HMCN1: variants seen among roughly 807,000 people sequenced by gnomAD.
HMCN1 encodes the protein hemicentin 1, also known as hemicentin-1.
Under a neutral mutation model 625.9 loss-of-function variants are expected in HMCN1, and 321 were observed. That is an observed-to-expected ratio of 0.51 (90% CI 0.47 to 0.56). The LOEUF (loss-of-function observed/expected upper bound fraction) is 0.56. Ranked by LOEUF, HMCN1 falls within the 20% of genes least tolerant of loss-of-function variation. The pLI is 0.00. For missense variants in HMCN1, 6,588 were observed against 6,887.3 expected (o/e 0.96, Z 1.54); for synonymous variants, 2,425 against 2,417.6 (o/e 1.00, Z -0.09).
At chr1:186,014,780 C>T (rs1477554822) in intron 30 of HMCN1, among the ~76,000 whole-genome samples, 2 of 152,082 alleles carry the variant, frequency 1.3e-5, no homozygotes, top group African/African-American at 4.8e-5. Context: ...AGAGGGCATA[C>T]AGTTGTACCA....
At chr1:186,012,134 C>T (rs1436934578) in intron 30 of HMCN1, among the ~76,000 whole-genome samples, 1 of 151,982 alleles carries the variant, frequency 6.6e-6, no homozygotes, top group Non-Finnish European at 1.5e-5. Flanking sequence ...TGATCTTTTA[C>T]ACAAAGTGCT....
At chr1:186,168,020 C>G (rs575816680) in intron 100 of HMCN1, among the ~76,000 whole-genome samples, 2 of 151,538 alleles carry the variant, frequency 1.3e-5, no homozygotes, top group African/African-American at 4.9e-5. Flanking sequence ...CACCCATGAA[C>G]CATTGTGCAT....
chr1:185,817,922 C>G (rs1265771966), intron 1 of HMCN1, among the ~76,000 whole-genome samples: 2 of 152,118 alleles, frequency 1.3e-5, no homozygotes, highest in East Asian at 3.9e-4. Flanking sequence ...AGCTACTATG[C>G]TTTCTCTCAG....
intron 64 of HMCN1, among the ~76,000 whole-genome samples, chr1:186,091,723 C>T (rs1312906081): frequency 2.6e-5 from 4 of 151,850 alleles, no homozygotes; most frequent in Non-Finnish European, 5.9e-5. Flanking sequence ...CTACACATAC[C>T]AGATTAATTA....
intron 55 of HMCN1, among the ~76,000 whole-genome samples, chr1:186,078,441 A>T: frequency 6.6e-6 from 1 of 152,222 alleles, no homozygotes; most frequent in East Asian, 1.9e-4. Context: ...ACAAACAAAC[A>T]AAAAGAATTC....
Position 185,775,689 on chromosome 1 carries a change from A to G in HMCN1, c.268+40642A>G, listed in dbSNP as rs191676617. On this transcript the variant is annotated intron_variant, in intron 1 of 106. Transcript: ENST00000271588. ...AAACAAAAAGGGATTTGATGTAACT[A>G]ATTGATTGTGAATGCAGCCTGAAGC... Among the ~76,000 whole-genome samples, 392 of 152,302 alleles carry G rather than the reference A, an allele frequency of 2.6e-3. 3 individuals are homozygous for G. The highest frequency in any genetic ancestry group is 4.6e-3 in the South Asian group (22 of 4,830).
intron 1 of HMCN1, among the ~76,000 whole-genome samples, chr1:185,812,802 C>T (rs1267519025): frequency 6.7e-6 from 1 of 149,618 alleles, no homozygotes; most frequent in African/African-American, 2.6e-5. Context: ...TTTGCAATCC[C>T]CCCCCACACA....
chr1:185,951,455 A>G (rs1275202870), intron 11 of HMCN1, among the ~76,000 whole-genome samples: 1 of 150,242 alleles, frequency 6.7e-6, no homozygotes, highest in East Asian at 1.9e-4. Flanking sequence ...TAGCCTCTGT[A>G]TTGATTAAGA....
At chr1:185,984,688 C>T (rs1469740924) in intron 19 of HMCN1, among the ~76,000 whole-genome samples, 1 of 152,196 alleles carries the variant, frequency 6.6e-6, no homozygotes. Context: ...CATGTCCTTA[C>T]TAATGACCCC....
Position 185,909,421 on chromosome 1 carries a change from T to C in HMCN1, c.706T>C (p.Trp236Arg), listed in dbSNP as rs2102450858. The change falls in exon 5 of 107, where the codon TGG (tryptophan) becomes CGG (arginine). Residue 236 changes from tryptophan to arginine, a missense_variant. Trp to Arg is a moderately radical substitution (Grantham distance 101, BLOSUM62 -3). This residue lies in a region of HMCN1 where 4,628 missense variants were observed against 4,853.1 expected (regional missense o/e 0.95). Transcript: ENST00000271588. ...TCATTTGGAACAGGCTGTAAATACT[T>C]GGAGAATTCCTTTTGATCCCAGCCT... The part of the protein sequence containing the change: ...TDHLEQAVNT[W>R]RIPFDPSLKE... The C allele has an allele frequency of 6.2e-7, 1 of 1,613,538 alleles. No homozygotes were observed. Among genetic ancestry groups the C allele is most frequent in the South Asian group, 1.1e-5 (1 of 91,070 alleles).
At chr1:186,090,693 A>T in intron 63 of HMCN1, 65 bp from the exon 64 acceptor site, 1 of 1,559,318 alleles carries the variant, frequency 6.4e-7, no homozygotes, top group Admixed American at 1.7e-5. Flanking sequence ...TTGTTTTATG[A>T]CTCTGTTACA....
At chr1:185,898,978 T>C (rs1270358916) in intron 4 of HMCN1, among the ~76,000 whole-genome samples, 1 of 151,798 alleles carries the variant, frequency 6.6e-6, no homozygotes, top group Non-Finnish European at 1.5e-5. Flanking sequence ...TGGAGGTGAA[T>C]GGAGATTGAG....
rs1170827406 is a variant in HMCN1, at chr1:185,960,359, C to A, written c.1829-2159C>A. ...GGTCAGGATGGTCTCAAACTCCCGA[C>A]CTCAGTTGATCTGCCCGCCTCAGCC... is the stretch of plus-strand genomic sequence containing the variant. On this transcript the variant is annotated intron_variant, in intron 11 of 106. Coordinates refer to ENST00000271588, the MANE Select transcript of HMCN1 (RefSeq NM_031935.3). Among the ~76,000 whole-genome samples the A allele has an allele frequency of 5.9e-5, 9 of 152,140 alleles. No individual in the cohort carries two copies. The East Asian group carries it at 7.8e-4, about 13-fold the overall frequency.
intron 4 of HMCN1, among the ~76,000 whole-genome samples, chr1:185,886,555 TAAATC>T (rs1368393994): frequency 3.3e-5 from 5 of 152,030 alleles, no homozygotes; most frequent in Middle Eastern, 3.2e-3. Context: ...TTTCTCATCT[TAAATC>T]AAATGTTTAA....
chr1:185,794,343 T>TTATATATATATATATATATATA (rs61058896), intron 1 of HMCN1, among the ~76,000 whole-genome samples: 18 of 147,716 alleles, frequency 1.2e-4, no homozygotes, highest in African/African-American at 4.5e-4. Flanking sequence ...AGAGGATAGA[T>TTATATATATATATATATATATA]TATATATATA....
At chr1:186,133,429 C>A (rs1383007668) in intron 86 of HMCN1, among the ~76,000 whole-genome samples, 1 of 152,036 alleles carries the variant, frequency 6.6e-6, no homozygotes, top group Non-Finnish European at 1.5e-5. Flanking sequence ...ATCAGGAAGC[C>A]CTTCAGTAAG....
At chr1:186,175,134 A>T (rs1457767449) in intron 103 of HMCN1, among the ~76,000 whole-genome samples, 1 of 152,190 alleles carries the variant, frequency 6.6e-6, no homozygotes, top group African/African-American at 2.4e-5. Flanking sequence ...TTTGCTAAAA[A>T]TATCTCATTT....
Position 186,189,712 on chromosome 1 carries a change from C to T in HMCN1, c.16742C>T (p.Ala5581Val). Residue 5581 changes from alanine to valine, a missense_variant, in exon 107 of 107, where the codon GCC becomes GTC. This residue lies in a region of HMCN1 where 1,954 missense variants were observed against 2,013.1 expected (regional missense o/e 0.97). Transcript: ENST00000271588. ...MVDEEQTVPFALRDENLKGVV... is the reference protein window; with the variant it reads ...MVDEEQTVPFVLRDENLKGVV... ...GATGAGGAACAGACTGTTCCTTTTG[C>T]CTTGAGGGATGAAAACCTGAAAGGA... 2 of 1,613,396 alleles carry T rather than the reference C, an allele frequency of 1.2e-6. No individual in the cohort carries two copies. Among genetic ancestry groups the T allele is most frequent in the Non-Finnish European group, 1.7e-6 (2 of 1,179,558 alleles).
At chr1:185,778,496 C>G (rs912659742) in intron 1 of HMCN1, among the ~76,000 whole-genome samples, 3 of 124,590 alleles carry the variant, frequency 2.4e-5, no homozygotes, top group East Asian at 2.9e-4. Context: ...TCCCTCCCCC[C>G]GCCCCCACCC....
Sources: gnomAD v4.1 joint callset for allele counts (sites outside exome capture counted in the v4.1 genomes callset) on GRCh38, gnomAD v4.1.1 for gene constraint, gnomAD v4.1.1 regional missense constraint, MANE v1.5 for transcripts, NCBI Gene and HGNC (gene_info 2026-07-23, HGNC 2026-07-21) for gene names.